MAGI3: variants seen among roughly 807,000 people sequenced by gnomAD.
MAGI3 encodes the protein membrane-associated guanylate kinase, WW and PDZ domain-containing protein 3.
In MAGI3, 43 loss-of-function variants were observed where a neutral mutation model predicts 121.8. The observed-to-expected ratio is 0.35, with a 90% CI of 0.28 to 0.46. The LOEUF (loss-of-function observed/expected upper bound fraction) is 0.46, where lower values mean the gene tolerates loss of function less well. Ranked by LOEUF, MAGI3 falls within the 20% of genes least tolerant of loss-of-function variation. The probability of loss-of-function intolerance (pLI) is 1.00; values close to 1 mark genes in which losing one functional copy is unlikely to be tolerated. For missense variants in MAGI3, 1,547 were observed against 1,797.3 expected (o/e 0.86, Z 2.52); for synonymous variants, 553 against 639.3 (o/e 0.86, Z 2.04).
intron 1 of MAGI3, among the ~76,000 whole-genome samples, chr1:113,398,595 T>A (rs1264187548): frequency 1.3e-5 from 2 of 152,082 alleles, no homozygotes; most frequent in Non-Finnish European, 2.9e-5. Flanking sequence ...AGCCTGTATC[T>A]CGTTGTTCTG....
intron 1 of MAGI3, among the ~76,000 whole-genome samples, chr1:113,481,256 A>G (rs866915724): frequency 6.6e-6 from 1 of 152,208 alleles, no homozygotes; most frequent in Non-Finnish European, 1.5e-5. Context: ...ACTTTTTAGC[A>G]TGACTTCTAT....
chr1:113,416,413 T>C (rs1228897643), intron 1 of MAGI3, among the ~76,000 whole-genome samples: 2 of 29,862 alleles, frequency 6.7e-5, no homozygotes, highest in African/African-American at 1.9e-4. Context: ...TAATTAATAA[T>C]TAATAATTAA....
rs577450600 is a variant in MAGI3 at position 113,573,387 on chromosome 1, A to G, written c.434-7155A>G. Among the ~76,000 whole-genome samples, 7 of 152,346 alleles carry G rather than the reference A, an allele frequency of 4.6e-5. No homozygotes were observed. In the South Asian group the frequency reaches 1.0e-3, roughly 23 times the overall value. ...TTAGCTGTGTCCCAGAGATTCTGGT[A>G]CATTTTGTCTTTGTTCTCATTGGTT... On this transcript the variant is annotated intron_variant, in intron 2 of 20. Coordinates refer to ENST00000307546, the MANE Select transcript of MAGI3 (RefSeq NM_001142782.2).
chr1:113,438,860 C>T (rs1300602324), intron 1 of MAGI3, among the ~76,000 whole-genome samples: 1 of 152,230 alleles, frequency 6.6e-6, no homozygotes. Context: ...CTTTTTCCTT[C>T]TTCACAATCT....
chr1:113,651,247 A>G, intron 14 of MAGI3, 41 bp downstream of exon 14: 1 of 1,542,702 alleles, frequency 6.5e-7, no homozygotes, highest in South Asian at 1.2e-5. Context: ...TAAAAAAGAA[A>G]CAAAGATACT....
chr1:113,623,024 GTAGTGATAC>G, intron 9 of MAGI3, 30 bp downstream of exon 9: 1 of 1,424,278 alleles, frequency 7.0e-7, no homozygotes, highest in Non-Finnish European at 9.3e-7. Flanking sequence ...TATTTGAAGA[GTAGTGATAC>G]TATAACAAAA....
chr1:113,640,064 A>T (rs780096281), intron 9 of MAGI3, among the ~76,000 whole-genome samples: 5 of 152,232 alleles, frequency 3.3e-5, no homozygotes, highest in Admixed American at 1.3e-4. Context: ...CAAAAAGTGG[A>T]CAAAGGATAT....
intron 1 of MAGI3, among the ~76,000 whole-genome samples, chr1:113,399,262 T>G (rs1373437031): frequency 6.6e-6 from 1 of 152,072 alleles, no homozygotes; most frequent in East Asian, 1.9e-4. Flanking sequence ...CTTGGACCAA[T>G]TATTGTAGAG....
At chr1:113,424,012 G>T (rs1034628828) in intron 1 of MAGI3, among the ~76,000 whole-genome samples, 1 of 152,154 alleles carries the variant, frequency 6.6e-6, no homozygotes, top group East Asian at 1.9e-4. Flanking sequence ...GAGCCCACGG[G>T]GGCAGGGGGT....
intron 9 of MAGI3, among the ~76,000 whole-genome samples, chr1:113,639,117 T>G (rs1450847905): frequency 6.6e-6 from 1 of 152,194 alleles, no homozygotes; most frequent in Non-Finnish European, 1.5e-5. Context: ...AGTGACCCAA[T>G]TTTCCAGGTG....
At chr1:113,520,569 A>T (rs193209545) in intron 1 of MAGI3, among the ~76,000 whole-genome samples, 6,663 of 151,694 alleles carry the variant, frequency 0.044, 171 homozygotes, top group Middle Eastern at 0.065. Context: ...GCTTTTTTTT[A>T]AAAAAAATTT....
At chr1:113,584,966 C>CAATTTTTTTT (rs61622151) in intron 3 of MAGI3, among the ~76,000 whole-genome samples, 9 of 110,744 alleles carry the variant, frequency 8.1e-5, no homozygotes, top group Non-Finnish European at 7.2e-5. Context: ...GTAGATATTT[C>CAATTTTTTTT]CTTTTTTTTT....
chr1:113,495,798 AAT>A (rs1299880163), intron 1 of MAGI3, among the ~76,000 whole-genome samples: 1 of 152,230 alleles, frequency 6.6e-6, no homozygotes, highest in East Asian at 1.9e-4. Context: ...AGTATAAACA[AAT>A]ATTTATAGTA....
chr1:113,656,545 C>T (rs1653482424), intron 15 of MAGI3, among the ~76,000 whole-genome samples: 1 of 151,776 alleles, frequency 6.6e-6, no homozygotes, highest in Non-Finnish European at 1.5e-5. Context: ...TCCCGATTAG[C>T]TGGGATTACA....
intron 1 of MAGI3, among the ~76,000 whole-genome samples, chr1:113,546,113 A>G (rs1326093387): frequency 1.3e-5 from 2 of 152,184 alleles, no homozygotes; most frequent in Non-Finnish European, 2.9e-5. Flanking sequence ...AGAGAACCAT[A>G]TATTTTGTTC....
intron 11 of MAGI3, among the ~76,000 whole-genome samples, 191 bp from the exon 12 acceptor site, chr1:113,646,295 G>A (rs1652834162): frequency 6.6e-6 from 1 of 152,020 alleles, no homozygotes; most frequent in African/African-American, 2.4e-5. Flanking sequence ...TCTAATTTAA[G>A]TTAAATATGT....
chr1:113,505,345 A>T (rs1418574565), intron 1 of MAGI3, among the ~76,000 whole-genome samples: 2 of 152,062 alleles, frequency 1.3e-5, no homozygotes, highest in Non-Finnish European at 2.9e-5. Flanking sequence ...AAAGCTCAGC[A>T]ATAGGTTTTG....
At chr1:113,670,588 T>A (rs749672378) in intron 16 of MAGI3, among the ~76,000 whole-genome samples, 1 of 152,194 alleles carries the variant, frequency 6.6e-6, no homozygotes, top group Non-Finnish European at 1.5e-5. Context: ...TTTCAGCATA[T>A]ATGTTTAAAG....
chr1:113,608,981 T>A (rs1649961110), intron 6 of MAGI3, among the ~76,000 whole-genome samples: 1 of 152,240 alleles, frequency 6.6e-6, no homozygotes, highest in Admixed American at 6.5e-5. Context: ...AAAATTGCAT[T>A]CAGTATTCTG....
Sources: gnomAD v4.1 joint callset for allele counts (sites outside exome capture counted in the v4.1 genomes callset) on GRCh38, gnomAD v4.1.1 for gene constraint, MANE v1.5 for transcripts, NCBI Gene and HGNC (gene_info 2026-07-23, HGNC 2026-07-21) for gene names.